PDZRN3: variants seen among roughly 807,000 people sequenced by gnomAD.
The protein encoded by PDZRN3 is PDZ domain containing ring finger 3, also known as E3 ubiquitin-protein ligase PDZRN3.
Under a neutral mutation model 85.7 loss-of-function variants are expected in PDZRN3, and 38 were observed. The observed-to-expected ratio is 0.44, with a 90% CI of 0.34 to 0.58. The LOEUF (loss-of-function observed/expected upper bound fraction) is 0.58. Ranked by LOEUF, PDZRN3 falls within the 20% of genes least tolerant of loss-of-function variation. PDZRN3 has a pLI of 0.01. For missense variants in PDZRN3, 1,629 were observed against 1,506.4 expected, an observed-to-expected ratio of 1.08 and a Z score of -1.35; for synonymous variants, 759 against 638.0, an observed-to-expected ratio of 1.19 and a Z score of -2.86.
intron 3 of PDZRN3, among the ~76,000 whole-genome samples, chr3:73,579,450 C>T (rs1702167314): frequency 6.6e-6 from 1 of 152,140 alleles, no homozygotes. Context: ...ATTTGAGTTA[C>T]CAGTTATTTA....
rs867572495 is a variant in PDZRN3, at chr3:73,506,902, A to C, written c.918+95452T>G. The stretch of plus-strand genomic sequence containing the variant: ...GCCCAGGTGACCATGTCTCAAAAAA[A>C]AAAAAAACAAAAAAACAAAAAAAAC... On this transcript the variant is annotated intron_variant, in intron 3 of 9. Transcript: ENST00000263666. Among the ~76,000 whole-genome samples the C allele has an allele frequency of 1.1e-3, 173 of 151,186 alleles. 2 individuals carry two copies. The highest frequency in any genetic ancestry group is 3.4e-3 in the Middle Eastern group (1 of 294).
At chr3:73,391,161 C>G in intron 5 of PDZRN3, 45 bp from the exon 6 acceptor site, 1 of 1,130,198 alleles carries the variant, frequency 8.8e-7, no homozygotes, top group Non-Finnish European at 1.3e-6. Flanking sequence ...GCAGGCAATG[C>G]GAGTTGAGGG....
intron 3 of PDZRN3, chr3:73,404,598 C>A: frequency 3.7e-6 from 2 of 534,836 alleles, no homozygotes; most frequent in South Asian, 2.9e-5. Context: ...TCAGATCTGG[C>A]ATGCAATAAT....
intron 3 of PDZRN3, among the ~76,000 whole-genome samples, chr3:73,509,556 G>A (rs1704127451): frequency 1.3e-5 from 2 of 152,120 alleles, no homozygotes; most frequent in African/African-American, 4.8e-5. Flanking sequence ...CGTTCCCTCA[G>A]TACTCAACTA....
At chr3:73,551,332 A>C (rs993379455) in intron 3 of PDZRN3, among the ~76,000 whole-genome samples, 1 of 152,232 alleles carries the variant, frequency 6.6e-6, no homozygotes, top group African/African-American at 2.4e-5. Context: ...AAAAATCATC[A>C]GCTCTGTCAA....
At chr3:73,453,675 A>C (rs553808131) in intron 3 of PDZRN3, among the ~76,000 whole-genome samples, 17 of 152,242 alleles carry the variant, frequency 1.1e-4, no homozygotes, top group Non-Finnish European at 2.4e-4. Flanking sequence ...ATTGTAATGC[A>C]AAACACAGTT....
At chr3:73,610,957 T>C (rs1043462591) in intron 1 of PDZRN3, among the ~76,000 whole-genome samples, 5 of 152,140 alleles carry the variant, frequency 3.3e-5, no homozygotes, top group East Asian at 3.9e-4. Context: ...ATCTTAAAAA[T>C]TGCACTATTA....
chr3:73,586,622 G>GGGT (rs901097652), intron 3 of PDZRN3, among the ~76,000 whole-genome samples: 81 of 152,292 alleles, frequency 5.3e-4, no homozygotes, highest in Middle Eastern at 6.8e-3. Flanking sequence ...TTCACCGGGG[G>GGGT]GGTCTCAGAG....
Position 73,624,772 on chromosome 3 carries a change from G to T in PDZRN3, c.54C>A (p.Cys18Ter), listed in dbSNP as rs1459529132. 2 of 1,474,222 alleles carry T rather than the reference G, an allele frequency of 1.4e-6. No homozygotes were observed. The highest frequency in any genetic ancestry group is 2.3e-5 in the Admixed American group (1 of 43,706). The allele number at this position is 1,474,222 out of a possible 1,614,324, so 91.3% of individuals were successfully genotyped here. ...FDGDVDPDLKCALCHKVLEDP... is the reference protein window; with the variant it reads ...FDGDVDPDLK ...CCTCCAGGACCTTGTGGCACAGCGC[G>T]CACTTCAGGTCCGGGTCCACGTCGC... is the stretch of plus-strand genomic sequence containing the variant. The change falls in exon 1 of 10, where the codon TGC (cysteine) becomes TGA (stop). Residue 18 changes from cysteine to a stop codon, truncating the protein, a stop_gained. Transcript: ENST00000263666. LOFTEE classifies it high-confidence loss of function.
chr3:73,572,576 C>T (rs555315765), intron 3 of PDZRN3, among the ~76,000 whole-genome samples: 1 of 152,298 alleles, frequency 6.6e-6, no homozygotes, highest in African/African-American at 2.4e-5. Context: ...TACATTCCGG[C>T]TGTCAGGGTG....
chr3:73,608,569 G>C, intron 2 of PDZRN3, 29 bp downstream of exon 2: 2 of 1,495,010 alleles, frequency 1.3e-6, no homozygotes, highest in South Asian at 1.1e-5. Flanking sequence ...ACCAGGAAAA[G>C]GAAAAACACA....
At chr3:73,533,426 T>C (rs1183319309) in intron 3 of PDZRN3, among the ~76,000 whole-genome samples, 1 of 152,218 alleles carries the variant, frequency 6.6e-6, no homozygotes, top group Non-Finnish European at 1.5e-5. Context: ...CTTTCAGAGC[T>C]GTAGAATCAC....
At chr3:73,392,144 G>A (rs1701541465) in intron 5 of PDZRN3, among the ~76,000 whole-genome samples, 1 of 152,210 alleles carries the variant, frequency 6.6e-6, no homozygotes, top group African/African-American at 2.4e-5. Flanking sequence ...AAAGGCGGGT[G>A]CCAGGCGCCA....
rs148884109 is a variant in PDZRN3, at chr3:73,506,809, C to T, written c.918+95545G>A. Among the ~76,000 whole-genome samples the T allele has an allele frequency of 4.6e-4, 69 of 151,422 alleles. 1 individual carries two copies. In the East Asian group the frequency reaches 9.5e-3, roughly 21 times the overall value. Reference sequence around the variant, plus strand: ...TAACCCCAGTACTTAGGGAGGTTGACGCAGGAGGATGGCTTGAGCCCAGGT... The same window carrying T: ...TAACCCCAGTACTTAGGGAGGTTGATGCAGGAGGATGGCTTGAGCCCAGGT... On this transcript the variant is annotated intron_variant, in intron 3 of 9. Transcript: ENST00000263666.
chr3:73,574,485 G>GT (rs1054445928), intron 3 of PDZRN3, among the ~76,000 whole-genome samples: 2 of 151,702 alleles, frequency 1.3e-5, no homozygotes, highest in African/African-American at 2.4e-5. Context: ...CGGAAATGGA[G>GT]TCTCACTCTG....
chr3:73,385,775 C>T lies in PDZRN3; in HGVS notation c.1529G>A (p.Gly510Asp), dbSNP rs1458564299. Residue 510 changes from glycine to aspartate, a missense_variant, in exon 9 of 10, where the codon GGC (glycine) becomes GAC (aspartate). Gly to Asp is a moderately conservative substitution (Grantham distance 94). Coordinates refer to ENST00000263666, the MANE Select transcript of PDZRN3 (RefSeq NM_015009.3). The stretch of plus-strand genomic sequence containing the variant: ...GTCGTTCCTGTCATCATCCATCCAG[C>T]CCTCATCCAGCTGCAGGCAAGAGCA... Reference protein sequence around the residue: ...IARPELQLDEGWMDDDRNDFL... With the variant: ...IARPELQLDEDWMDDDRNDFL... 3 of 1,607,622 alleles carry T rather than the reference C, an allele frequency of 1.9e-6. No homozygotes were observed. The East Asian group carries it at 6.7e-5, about 36-fold the overall frequency.
intron 2 of PDZRN3, among the ~76,000 whole-genome samples, chr3:73,603,233 C>T (rs539907993): frequency 4.4e-4 from 67 of 152,232 alleles, no homozygotes; most frequent in African/African-American, 1.5e-3. Flanking sequence ...GATGCACTAC[C>T]ATCACTCTAG....
At chr3:73,556,256 A>AT (rs1191779033) in intron 3 of PDZRN3, among the ~76,000 whole-genome samples, 2 of 152,122 alleles carry the variant, frequency 1.3e-5, no homozygotes, top group African/African-American at 4.8e-5. Flanking sequence ...AAGTTAAGAT[A>AT]TTTTTTCCAA....
intron 1 of PDZRN3, among the ~76,000 whole-genome samples, chr3:73,613,767 T>C (rs1476684941): frequency 6.6e-6 from 1 of 152,062 alleles, no homozygotes; most frequent in Non-Finnish European, 1.5e-5. Context: ...GTTCTGGTCA[T>C]ATTCTGGAGC....
Sources: allele counts gnomAD v4.1 joint callset (sites outside exome capture counted in the v4.1 genomes callset), GRCh38; gene constraint gnomAD v4.1.1; transcripts MANE v1.5; gene names NCBI Gene and HGNC (gene_info 2026-07-23, HGNC 2026-07-21).